Variants in DLGAP2 observed in about 807,000 individuals in gnomAD.
DLGAP2 encodes the protein disks large-associated protein 2.
A neutral mutation model predicts 100.3 loss-of-function variants in DLGAP2; 26 were observed. The observed-to-expected ratio is 0.26, with a 90% CI of 0.19 to 0.36. The LOEUF (loss-of-function observed/expected upper bound fraction) is 0.36. Among genes scored for constraint, DLGAP2 ranks in the 10% least tolerant of loss-of-function variants. The pLI is 1.00. For synonymous variants in DLGAP2, 886 were observed against 630.1 expected, an observed-to-expected ratio of 1.41 and a Z score of -6.08; for missense variants, 1,858 against 1,453.2, an observed-to-expected ratio of 1.28 and a Z score of -4.53.
At chr8:1,271,381 A>G (rs2116930119) in intron 3 of DLGAP2, among the ~76,000 whole-genome samples, 1 of 152,304 alleles carries the variant, frequency 6.6e-6, no homozygotes, top group Non-Finnish European at 1.5e-5. Flanking sequence ...CACACTGGGG[A>G]CATAGTGACT....
intron 2 of DLGAP2, among the ~76,000 whole-genome samples, chr8:1,237,394 C>T (rs1272407636): frequency 1.6e-4 from 15 of 95,878 alleles, no homozygotes; most frequent in Middle Eastern, 8.6e-3. Flanking sequence ...CACATGGCGC[C>T]GTGTCTAGTT....
At position 1,085,677 on chromosome 8, in the gene DLGAP2, A is replaced by G. The variant is rs76312901; in HGVS notation, c.74-173174A>G. ...GCTTTTGTAATTACTGCCACTTTGT[A>G]GTATAGATTGAAATCAGGCAATGTG... On this transcript the variant is annotated intron_variant, in intron 2 of 14. Coordinates refer to ENST00000637795, the MANE Select transcript of DLGAP2 (RefSeq NM_001346810.2). Among the ~76,000 whole-genome samples the G allele has an allele frequency of 1.2e-4, 19 of 152,290 alleles. 1 individual carries two copies. The East Asian group carries it at 3.5e-3, about 28-fold the overall frequency.
chr8:1,113,325 C>T (rs1481641971), intron 2 of DLGAP2, among the ~76,000 whole-genome samples: 1 of 152,192 alleles, frequency 6.6e-6, no homozygotes, highest in East Asian at 1.9e-4. Flanking sequence ...TTGATGCTTT[C>T]TATCCATGAG....
At chr8:1,488,812 G>A (rs1427624885) in intron 3 of DLGAP2, among the ~76,000 whole-genome samples, 4 of 152,168 alleles carry the variant, frequency 2.6e-5, no homozygotes, top group Admixed American at 1.3e-4. Context: ...CAGTGACTAT[G>A]ATGTCCAGAG....
intron 4 of DLGAP2, among the ~76,000 whole-genome samples, chr8:1,537,103 G>A (rs1801179202): frequency 1.3e-5 from 2 of 152,130 alleles, no homozygotes; most frequent in African/African-American, 4.8e-5. Context: ...TGTGTGGTGT[G>A]TGGTGTGTGG....
At chr8:957,450 T>G (rs753683008) in intron 2 of DLGAP2, among the ~76,000 whole-genome samples, 1 of 152,228 alleles carries the variant, frequency 6.6e-6, no homozygotes, top group Non-Finnish European at 1.5e-5. Context: ...GTGACTCCAT[T>G]ATGCTCAGAA....
intron 3 of DLGAP2, among the ~76,000 whole-genome samples, chr8:1,457,303 A>G (rs1336003093): frequency 6.6e-6 from 1 of 151,626 alleles, no homozygotes; most frequent in Non-Finnish European, 1.5e-5. Context: ...TGGCAACCAC[A>G]GAAATGGTTG....
intron 3 of DLGAP2, among the ~76,000 whole-genome samples, chr8:1,337,531 A>G (rs1801317078): frequency 6.7e-6 from 1 of 148,906 alleles, no homozygotes; most frequent in African/African-American, 2.5e-5. Context: ...GATGATAGTG[A>G]TGATGATGAT....
intron 3 of DLGAP2, among the ~76,000 whole-genome samples, chr8:1,359,730 C>T (rs892170990): frequency 3.9e-5 from 6 of 152,224 alleles, no homozygotes; most frequent in Non-Finnish European, 5.9e-5. Flanking sequence ...GCGTTCCCTG[C>T]GCAGCGTGGG....
intron 2 of DLGAP2, among the ~76,000 whole-genome samples, chr8:1,235,227 GCATGTCTAGTTCTCTCACACATGGCGT>G (rs373629533): frequency 0.1 from 11,987 of 114,568 alleles, 1,175 homozygotes; most frequent in African/African-American, 0.27. Flanking sequence ...CTCACACATG[GCATGTCTAGTTCTCTCACACATGGCGT>G]CGTGTCTAGT....
At chr8:985,338 A>G (rs1800455753) in intron 2 of DLGAP2, among the ~76,000 whole-genome samples, 1 of 152,250 alleles carries the variant, frequency 6.6e-6, no homozygotes, top group Non-Finnish European at 1.5e-5. Context: ...CTTCAGAGTC[A>G]GATCTAATGC....
At chr8:1,636,847 G>A (rs1797778124) in intron 8 of DLGAP2, among the ~76,000 whole-genome samples, 1 of 152,354 alleles carries the variant, frequency 6.6e-6, no homozygotes, top group Non-Finnish European at 1.5e-5. Context: ...TAAAGGAAAA[G>A]AAACTGAAAA....
intron 1 of DLGAP2, chr8:822,210 C>G: frequency 2.5e-6 from 1 of 399,344 alleles, no homozygotes; most frequent in Non-Finnish European, 4.4e-6. Context: ...TGTGATCTTG[C>G]TCTTGCTTCC....
intron 2 of DLGAP2, among the ~76,000 whole-genome samples, chr8:998,091 C>G (rs370286822): frequency 3.9e-5 from 6 of 152,092 alleles, no homozygotes; most frequent in African/African-American, 1.2e-4. Context: ...ACACCCGTGT[C>G]TGCACAGAAA....
chr8:1,650,955 G>C (rs903512653), intron 8 of DLGAP2, among the ~76,000 whole-genome samples: 3 of 152,114 alleles, frequency 2.0e-5, no homozygotes, highest in Admixed American at 1.3e-4. Context: ...AGGACGGTAC[G>C]GACATTCCTG....
chr8:1,664,562 T>G (rs969480557), intron 8 of DLGAP2, among the ~76,000 whole-genome samples: 1 of 152,196 alleles, frequency 6.6e-6, no homozygotes, highest in African/African-American at 2.4e-5. Context: ...CAGTGAAGCT[T>G]GCCAGGCACT....
intron 6 of DLGAP2, among the ~76,000 whole-genome samples, chr8:1,613,439 G>T (rs1006509355): frequency 6.6e-6 from 1 of 151,980 alleles, no homozygotes; most frequent in African/African-American, 2.4e-5. Context: ...TATACCTAAG[G>T]CTAGATGACG....
intron 2 of DLGAP2, among the ~76,000 whole-genome samples, chr8:1,192,261 C>T (rs545791735): frequency 6.6e-6 from 1 of 152,242 alleles, no homozygotes; most frequent in East Asian, 1.9e-4. Context: ...TGGGTTTAGC[C>T]CTTGTTTTCA....
rs988749602 is a variant in DLGAP2 at position 1,683,697 on chromosome 8, C to G, written c.2704+5068C>G. On this transcript the variant is annotated intron_variant, in intron 12 of 14. Coordinates refer to ENST00000637795, the MANE Select transcript of DLGAP2 (RefSeq NM_001346810.2). ...CAGGATGCCACACTCCTGCTCACAC[C>G]TTTATAAAAGCAGAACATCTAGACT... Among the ~76,000 whole-genome samples the G allele has an allele frequency of 7.4e-5, 11 of 149,024 alleles. 1 individual carries two copies. The highest frequency in any genetic ancestry group is 1.2e-4 in the Non-Finnish European group (8 of 66,898).
Sources: allele counts gnomAD v4.1 joint callset (sites outside exome capture counted in the v4.1 genomes callset), GRCh38; gene constraint gnomAD v4.1.1; transcripts MANE v1.5; gene names NCBI Gene and HGNC (gene_info 2026-07-23, HGNC 2026-07-21).